The following MTMR9 variants were observed in gnomAD, a reference collection of about 807,000 sequenced individuals.
MTMR9 encodes the protein myotubularin related protein 9, also known as myotubularin-related protein 9.
A neutral mutation model predicts 69.5 loss-of-function variants in MTMR9; 39 were observed. The ratio of observed to expected loss-of-function variants is 0.56; its 90% CI spans 0.43 to 0.73. MTMR9 has a LOEUF of 0.73. MTMR9 is among the 30% of genes least tolerant of loss of function. The pLI is 0.00. For synonymous variants in MTMR9, 354 were observed against 240.8 expected (o/e 1.47, Z -4.35); for missense variants, 900 against 671.2 (o/e 1.34, Z -3.77).
At chr8:11,335,193 C>G in the MTMR9 span, among the ~76,000 whole-genome samples, 1 of 152,164 alleles carries the variant, frequency 6.6e-6, no homozygotes, top group Non-Finnish European at 1.5e-5. Context: ...ACCATAATCT[C>G]CTAGAACTAA....
intron 9 of MTMR9, among the ~76,000 whole-genome samples, chr8:11,321,778 C>A (rs1236244611): frequency 6.6e-6 from 1 of 152,174 alleles, no homozygotes; most frequent in Non-Finnish European, 1.5e-5. Flanking sequence ...AGGCTTTACG[C>A]TGTGGTTCTG....
At chr8:11,302,466 A>C (rs1186647685) in intron 3 of MTMR9, among the ~76,000 whole-genome samples, 1 of 152,136 alleles carries the variant, frequency 6.6e-6, no homozygotes, top group Non-Finnish European at 1.5e-5. Context: ...TAAAGCAAAG[A>C]AAATACCACA....
chr8:11,335,053 A>G, the MTMR9 span, among the ~76,000 whole-genome samples: 3 of 152,208 alleles, frequency 2.0e-5, no homozygotes, highest in South Asian at 4.1e-4. Context: ...ACTCCTTTCA[A>G]CATTGTATGG....
intron 6 of MTMR9, among the ~76,000 whole-genome samples, chr8:11,311,996 C>G (rs1289489844): frequency 6.6e-6 from 1 of 151,324 alleles, no homozygotes; most frequent in Non-Finnish European, 1.5e-5. Flanking sequence ...CTTATTTCTT[C>G]AAGTTTCATC....
the MTMR9 span, among the ~76,000 whole-genome samples, chr8:11,335,551 A>G: frequency 6.6e-6 from 1 of 152,190 alleles, no homozygotes; most frequent in Non-Finnish European, 1.5e-5. Context: ...GATAGTGACA[A>G]ACTTCTTCTG....
At chr8:11,319,312 AG>A (rs758352140) in intron 8 of MTMR9, 17 of 158,962 alleles carry the variant, frequency 1.1e-4, no homozygotes, top group Non-Finnish European at 2.3e-4. Flanking sequence ...AGAAACAAAA[AG>A]GTTAGAAAGT....
chr8:11,331,309 C>T (rs777264070), downstream of MTMR9: 2 of 1,613,982 alleles, frequency 1.2e-6, no homozygotes, highest in South Asian at 2.2e-5. Flanking sequence ...TCCAACCTGC[C>T]CTCGCTGGAG....
downstream of MTMR9, among the ~76,000 whole-genome samples, chr8:11,330,395 GC>G (rs1290710819): frequency 6.6e-6 from 1 of 152,182 alleles, no homozygotes; most frequent in Non-Finnish European, 1.5e-5. Context: ...CCTCTGCCCG[GC>G]CACCACCCCG....
Position 11,300,057 on chromosome 8 carries a change from A to C in MTMR9, c.326A>C (p.Tyr109Ser). The part of the protein sequence containing the change: ...LSTLDSITLM[Y>S]PFFYRPMFEV... ...ACTCTGGACTCCATCACTCTGATGT[A>C]CCCTTTCTTTTACCGTCCTATGTTT... The change falls in exon 3 of 10, where the codon TAC becomes TCC. Residue 109 changes from tyrosine (Y) to serine (S), a missense_variant. Coordinates refer to ENST00000221086, the MANE Select transcript of MTMR9 (RefSeq NM_015458.4). 1 of 1,613,566 alleles carries C rather than the reference A, an allele frequency of 6.2e-7. No homozygotes were observed.
chr8:11,301,534 C>T (rs751980658), intron 3 of MTMR9, among the ~76,000 whole-genome samples: 9 of 152,192 alleles, frequency 5.9e-5, no homozygotes, highest in Non-Finnish European at 1.2e-4. Context: ...AACATGAGAA[C>T]TAAAACTATC....
intron 8 of MTMR9, chr8:11,318,509 T>A (rs1800522121): frequency 6.6e-6 from 1 of 152,252 alleles, no homozygotes; most frequent in Non-Finnish European, 1.5e-5. Context: ...GAGACAAAAC[T>A]GATTTTATAA....
chr8:11,311,272 C>T (rs1800187163), intron 6 of MTMR9, among the ~76,000 whole-genome samples: 2 of 152,126 alleles, frequency 1.3e-5, no homozygotes, highest in Admixed American at 6.6e-5. Context: ...AAGAATTCAA[C>T]AGAAGACAAA....
intron 1 of MTMR9, among the ~76,000 whole-genome samples, chr8:11,290,995 C>T (rs1799363994): frequency 6.6e-6 from 1 of 151,420 alleles, no homozygotes; most frequent in African/African-American, 2.4e-5. Flanking sequence ...AAGGCAGTTG[C>T]AAAAATTGCA....
At chr8:11,332,405 A>G (rs1801272186), downstream of MTMR9, among the ~76,000 whole-genome samples, 1 of 152,126 alleles carries the variant, frequency 6.6e-6, no homozygotes, top group Non-Finnish European at 1.5e-5. Context: ...AAGACTAAAC[A>G]ATTGTCTTAA....
In MTMR9 at chr8:11,304,824, T is replaced by C; in HGVS notation, c.418-17T>C. 6.2e-7 allele frequency: 1 copy of C among 1,609,692 alleles called. No homozygotes were observed. The highest frequency in any genetic ancestry group is 8.5e-7 in the Non-Finnish European group (1 of 1,177,628). On this transcript the variant is annotated splice_polypyrimidine_tract_variant and intron_variant, in intron 3 of 9. Coordinates refer to ENST00000221086, the MANE Select transcript of MTMR9 (RefSeq NM_015458.4). Reference sequence around the variant, plus strand: ...TTGAGATAGTTGCTTAGCTTTGAAGTATTTTGTGTTTTTCAGACCAGTGAA... The same window carrying C: ...TTGAGATAGTTGCTTAGCTTTGAAGCATTTTGTGTTTTTCAGACCAGTGAA...
chr8:11,309,352 A>G (rs1181762355), intron 5 of MTMR9, among the ~76,000 whole-genome samples, 175 bp from the exon 6 acceptor site: 3 of 152,332 alleles, frequency 2.0e-5, no homozygotes, highest in East Asian at 1.9e-4. Flanking sequence ...CTTTGCAACA[A>G]TGTTTAAATA....
chr8:11,311,881 C>T (rs75616735), intron 6 of MTMR9, among the ~76,000 whole-genome samples: 2 of 144,894 alleles, frequency 1.4e-5, no homozygotes, highest in Non-Finnish European at 3.0e-5. Context: ...TATTCTAAAT[C>T]TTTTTTTTTT....
At chr8:11,319,869 A>AC in intron 9 of MTMR9, 31 bp downstream of exon 9, 1 of 1,612,000 alleles carries the variant, frequency 6.2e-7, no homozygotes, top group Non-Finnish European at 8.5e-7. Context: ...AAACTTCTTA[A>AC]CGGTCAGGTG....
rs971055953 is a variant in MTMR9 at position 11,297,995 on chromosome 8, C to G, written c.292-2028C>G. 21 of 455,292 alleles carry G rather than the reference C, an allele frequency of 4.6e-5. No homozygotes were observed. The Admixed American group carries it at 4.9e-4, about 11-fold the overall frequency. 28.2% of individuals were successfully genotyped at this position (455,292 alleles called of 1,614,324 possible). ...TTTCATATAGCATAGCTGAGCTGTC[C>G]TTTGTAATTAGGAGTCCGTATACTC... is the stretch of plus-strand genomic sequence containing the variant. On this transcript the variant is annotated intron_variant, in intron 2 of 9. Coordinates refer to ENST00000221086, the MANE Select transcript of MTMR9 (RefSeq NM_015458.4).
Sources: gnomAD v4.1 joint callset for allele counts (sites outside exome capture counted in the v4.1 genomes callset) on GRCh38, gnomAD v4.1.1 for gene constraint, MANE v1.5 for transcripts, NCBI Gene and HGNC (gene_info 2026-07-23, HGNC 2026-07-21) for gene names.